The following ARID3A variants were observed in gnomAD, a reference collection of about 807,000 sequenced individuals.
ARID3A encodes AT-rich interactive domain-containing protein 3A.
Under a neutral mutation model 52.7 loss-of-function variants are expected in ARID3A, and 11 were observed. That is an observed-to-expected ratio of 0.21 (90% CI 0.13 to 0.35). The LOEUF is 0.35. Among genes scored for constraint, ARID3A ranks in the 10% least tolerant of loss-of-function variants. ARID3A has a pLI of 1.00. For missense variants in ARID3A, 721 were observed against 838.5 expected, an observed-to-expected ratio of 0.86 and a Z score of 1.73; for synonymous variants, 404 against 359.4, an observed-to-expected ratio of 1.12 and a Z score of -1.40.
At chr19:962,523 T>TTTTA (rs2038063683) in intron 4 of ARID3A, among the ~76,000 whole-genome samples, 1 of 149,552 alleles carries the variant, frequency 6.7e-6, no homozygotes, top group Non-Finnish European at 1.5e-5. Context: ...CTTTTTTTTT[T>TTTTA]TTTTTTTTGA....
chr19:937,769 C>A (rs55783091), intron 3 of ARID3A, among the ~76,000 whole-genome samples: 3 of 134,218 alleles, frequency 2.2e-5, no homozygotes, highest in Non-Finnish European at 4.6e-5. Flanking sequence ...TGCAATGGGG[C>A]GATCTCGGCT....
At position 971,988 on chromosome 19, in the gene ARID3A, G is replaced by C; in HGVS notation, c.1705G>C (p.Gly569Arg). The C allele has an allele frequency of 6.2e-7, 1 of 1,601,924 alleles. No individual in the cohort carries two copies. ...SNAGGRGGNT[G>R]TSGGQAGPAG... ...CGCAGGCGGCCGGGGAGGAAACACC[G>C]GAACCAGCGGCGGCCAGGCTGGGCC... The change falls in exon 9 of 9, where the codon GGA becomes CGA. Residue 569 changes from glycine (G) to arginine (R), a missense_variant. Transcript: ENST00000263620.
Position 929,436 on chromosome 19 carries a change from G to GCCCCCAACCCCCAGGGGGCCCC in ARID3A, c.-88_-87insAACCCCCAGGGGGCCCCCCCCC. On this transcript the variant is annotated 5_prime_UTR_variant, in exon 2 of 9. Transcript: ENST00000263620. The surrounding 1 kb of genome is among the most constrained non-coding windows in gnomAD (Gnocchi z 6.2). ...GGCCCCCACGCTGCAGTGCGGCCGG[G>GCCCCCAACCCCCAGGGGGCCCC]CCCCCTCCCCGCAGGGGCCGCCCCC... is the stretch of plus-strand genomic sequence containing the variant. 1 of 1,227,758 alleles carries GCCCCCAACCCCCAGGGGGCCCC rather than the reference G, an allele frequency of 8.1e-7. No individual in the cohort carries two copies. The allele number at this position is 1,227,758 out of a possible 1,614,324, so 76.1% of individuals were successfully genotyped here.
In ARID3A at chr19:941,132, A is replaced by T. The variant is rs993750215; in HGVS notation, c.693+8390A>T. Reference sequence around the variant, plus strand: ...TGCTGCCAAGCGCCGGCCCCGCCCCATGCTTTCTAATAACACACGCGGCAG... The same window carrying T: ...TGCTGCCAAGCGCCGGCCCCGCCCCTTGCTTTCTAATAACACACGCGGCAG... On this transcript the variant is annotated intron_variant, in intron 3 of 8. Transcript: ENST00000263620. The surrounding 1 kb of genome is among the most constrained non-coding windows in gnomAD (Gnocchi z 6.9). Among the ~76,000 whole-genome samples the T allele has an allele frequency of 6.6e-6, 1 of 152,114 alleles. No individual in the cohort carries two copies. The highest frequency in any genetic ancestry group is 1.5e-5 in the Non-Finnish European group (1 of 67,994).
At chr19:970,867 C>G (rs1326460179) in intron 8 of ARID3A, among the ~76,000 whole-genome samples, 1 of 152,096 alleles carries the variant, frequency 6.6e-6, no homozygotes, top group Admixed American at 6.6e-5. Context: ...TGTTGCAGGC[C>G]CCCGCCCGGC....
intron 3 of ARID3A, among the ~76,000 whole-genome samples, chr19:954,901 C>T (rs1189608186): frequency 6.6e-6 from 1 of 152,178 alleles, no homozygotes; most frequent in Non-Finnish European, 1.5e-5. Flanking sequence ...TCAGAGCAGG[C>T]CCCAGGGAGG....
intron 3 of ARID3A, among the ~76,000 whole-genome samples, chr19:954,651 G>A (rs1448330228): frequency 6.6e-6 from 1 of 152,158 alleles, no homozygotes; most frequent in Non-Finnish European, 1.5e-5. Flanking sequence ...GAGGCCGGTG[G>A]TCGGTAAAGG....
chr19:960,533 G>T lies in ARID3A; in HGVS notation c.766+369G>T, dbSNP rs139639645. 1.3e-3 allele frequency among the ~76,000 whole-genome samples: 194 copies of T among 152,200 alleles called. No individual in the cohort carries two copies. The highest frequency in any genetic ancestry group is 2.9e-3 in the Admixed American group (45 of 15,288). ...AACCAGCCTCTGTGTTTAGGGAGTGGGGTCAGATTCGGGCTGGCCAGGTGG... is the reference window on the plus strand; with the variant it reads ...AACCAGCCTCTGTGTTTAGGGAGTGTGGTCAGATTCGGGCTGGCCAGGTGG... On this transcript the variant is annotated intron_variant, in intron 4 of 8. Coordinates refer to ENST00000263620, the MANE Select transcript of ARID3A (RefSeq NM_005224.3). This position sits in a 1 kb window ranked among gnomAD's most constrained non-coding sequence, Gnocchi z 4.3.
intron 3 of ARID3A, among the ~76,000 whole-genome samples, chr19:957,046 C>T (rs1350407999): frequency 3.9e-5 from 6 of 152,216 alleles, no homozygotes; most frequent in South Asian, 2.1e-4. Flanking sequence ...AATTGGCCCC[C>T]GCCTGAACTC....
At chr19:968,220 C>T (rs551568348) in intron 7 of ARID3A, among the ~76,000 whole-genome samples, 185 bp from the exon 8 acceptor site, 3 of 150,766 alleles carry the variant, frequency 2.0e-5, no homozygotes, top group South Asian at 2.1e-4. Flanking sequence ...ATTAGCCAGG[C>T]GTGGTGGCGG....
At position 972,171 on chromosome 19, in the gene ARID3A, G is replaced by A. The variant is rs2038291049; in HGVS notation, c.*106G>A. The A allele has an allele frequency of 4.6e-5, 48 of 1,045,976 alleles. 1 individual carries two copies. In the South Asian group the frequency reaches 7.6e-4, roughly 17 times the overall value. 64.8% of individuals were successfully genotyped at this position (1,045,976 alleles called of 1,614,324 possible). On this transcript the variant is annotated 3_prime_UTR_variant, in exon 9 of 9. Coordinates refer to ENST00000263620, the MANE Select transcript of ARID3A (RefSeq NM_005224.3). ...GATGGCGGAAGATACGGGTGGGGAG[G>A]GAAGATATCCAGAAAGGAGCCACAG...
At chr19:945,373 G>A (rs541250152) in intron 3 of ARID3A, among the ~76,000 whole-genome samples, 12 of 152,310 alleles carry the variant, frequency 7.9e-5, no homozygotes, top group Non-Finnish European at 1.0e-4. Context: ...AGGGGACGGC[G>A]TGTGGCATGG....
rs1379439745 is a variant in ARID3A at position 975,769 on chromosome 19, A to C, written c.*3704A>C. The C allele has an allele frequency of 5.0e-6, 1 of 201,202 alleles. No individual in the cohort carries two copies. The highest frequency in any genetic ancestry group is 1.0e-5 in the Non-Finnish European group (1 of 97,948). 12.5% of individuals were successfully genotyped at this position (201,202 alleles called of 1,614,324 possible). ...AAAAAAAAGACAAAAAGACCAAAAA[A>C]AAAAAAAAGTGTGATTTTGAAATTT... On this transcript the variant is annotated 3_prime_UTR_variant, in exon 9 of 9. Coordinates refer to ENST00000263620, the MANE Select transcript of ARID3A (RefSeq NM_005224.3).
chr19:955,778 G>A (rs1446608780), intron 3 of ARID3A, among the ~76,000 whole-genome samples: 4 of 152,198 alleles, frequency 2.6e-5, no homozygotes, highest in Non-Finnish European at 5.9e-5. Context: ...CCTTCCGCTC[G>A]CCCTGGAAGG....
chr19:958,850 A>G (rs71335282), intron 3 of ARID3A, among the ~76,000 whole-genome samples: 40,859 of 151,282 alleles, frequency 0.27, 5,974 homozygotes, highest in East Asian at 0.49. Flanking sequence ...CCGAGATTGC[A>G]CCCCTGCACT....
intron 2 of ARID3A, among the ~76,000 whole-genome samples, chr19:930,710 CAT>C (rs2037306081): frequency 6.6e-6 from 1 of 150,524 alleles, no homozygotes; most frequent in South Asian, 2.1e-4. Context: ...GGGGTTTCAC[CAT>C]GTTAGCCAAG....
intron 3 of ARID3A, among the ~76,000 whole-genome samples, chr19:943,723 G>T (rs1444429818): frequency 2.0e-5 from 3 of 152,188 alleles, no homozygotes; most frequent in Non-Finnish European, 4.4e-5. Flanking sequence ...CCCTCCCCTG[G>T]AGCCCCAGTG....
intron 3 of ARID3A, among the ~76,000 whole-genome samples, chr19:955,711 G>A (rs1043700194): frequency 4.1e-5 from 6 of 144,608 alleles, no homozygotes; most frequent in East Asian, 3.0e-4. Context: ...GCCAGGGAAG[G>A]GGGGGTCCAG....
intron 3 of ARID3A, among the ~76,000 whole-genome samples, chr19:943,721 T>C (rs2037607867): frequency 6.6e-6 from 1 of 152,206 alleles, no homozygotes; most frequent in Non-Finnish European, 1.5e-5. Context: ...GACCCTCCCC[T>C]GGAGCCCCAG....
Sources: allele counts gnomAD v4.1 joint callset (sites outside exome capture counted in the v4.1 genomes callset), GRCh38; gene constraint gnomAD v4.1.1; non-coding constraint Gnocchi (gnomAD v3.1); transcripts MANE v1.5; gene names NCBI Gene and HGNC (gene_info 2026-07-23, HGNC 2026-07-21).